MLF1: variants seen among roughly 807,000 people sequenced by gnomAD.
MLF1 encodes myeloid leukemia factor 1.
A neutral mutation model predicts 38.3 loss-of-function variants in MLF1; 37 were observed. That is an observed-to-expected ratio of 0.96 (90% CI 0.74 to 1.27). The LOEUF (loss-of-function observed/expected upper bound fraction) is 1.27, where lower values mean the gene tolerates loss of function less well. Ranked by LOEUF, MLF1 falls within the 50% of genes most tolerant of loss-of-function variation. The probability of loss-of-function intolerance (pLI) is 0.00; values close to 1 mark genes in which losing one functional copy is unlikely to be tolerated. For missense variants in MLF1, 331 were observed against 349.2 expected, an observed-to-expected ratio of 0.95 and a Z score of 0.42; for synonymous variants, 95 against 106.5, an observed-to-expected ratio of 0.89 and a Z score of 0.66.
At chr3:158,604,976 T>G (rs1171136002) in intron 7 of MLF1, 121 bp from the exon 8 acceptor site, 2 of 761,154 alleles carry the variant, frequency 2.6e-6, no homozygotes, top group Non-Finnish European at 4.2e-6. Flanking sequence ...TTCAAAGCCA[T>G]TAAGGAATTT....
At chr3:158,590,938 G>C in intron 1 of MLF1, 1 of 408,086 alleles carries the variant, frequency 2.5e-6, no homozygotes, top group South Asian at 1.8e-5. Flanking sequence ...CAGTTAAGCA[G>C]TTTGCTAATC....
intron 1 of MLF1, among the ~76,000 whole-genome samples, chr3:158,575,815 T>C (rs1576640017): frequency 1.3e-5 from 2 of 152,244 alleles, no homozygotes; most frequent in South Asian, 4.1e-4. Flanking sequence ...GATACTGGTA[T>C]TTTCTAATTA....
chr3:158,576,013 A>G (rs1032142431), intron 1 of MLF1, among the ~76,000 whole-genome samples: 2 of 152,204 alleles, frequency 1.3e-5, no homozygotes, highest in African/African-American at 4.8e-5. Flanking sequence ...TTAAATTGTT[A>G]ATTGCTTAAA....
chr3:158,587,464 T>C (rs1717405984), intron 1 of MLF1, among the ~76,000 whole-genome samples: 1 of 152,116 alleles, frequency 6.6e-6, no homozygotes, highest in Admixed American at 6.5e-5. Flanking sequence ...CAGTAACCTA[T>C]CTGTGACACT....
chr3:158,572,388 G>C (rs1232588507), intron 1 of MLF1, among the ~76,000 whole-genome samples: 42 of 144,174 alleles, frequency 2.9e-4, no homozygotes, highest in Non-Finnish European at 4.4e-4. Context: ...TGAAGTGCAG[G>C]GGAGGATTGA....
chr3:158,598,226 A>T lies in MLF1; in HGVS notation c.453+18A>T, dbSNP rs377766068. Reference sequence around the variant, plus strand: ...CAGGAGGAGTAAGTTTTCTATAAGCATTCCTAAAGTTTTATAAAGTTAGGG... The same window carrying T: ...CAGGAGGAGTAAGTTTTCTATAAGCTTTCCTAAAGTTTTATAAAGTTAGGG... On this transcript the variant is annotated intron_variant, in intron 5 of 7. Coordinates refer to ENST00000466246, the MANE Select transcript of MLF1 (RefSeq NM_001369783.1). The T allele has an allele frequency of 2.0e-5, 32 of 1,605,346 alleles. No individual in the cohort carries two copies. Among genetic ancestry groups the T allele is most frequent in the Non-Finnish European group, 2.5e-6 (3 of 1,177,290 alleles).
At chr3:158,602,150 A>G (rs1443582420) in intron 6 of MLF1, among the ~76,000 whole-genome samples, 10 of 152,186 alleles carry the variant, frequency 6.6e-5, no homozygotes, top group Admixed American at 2.0e-4. Flanking sequence ...GCAGTAAGAT[A>G]GAAGCCATGA....
chr3:158,595,281 G>A (rs886847576), intron 3 of MLF1, among the ~76,000 whole-genome samples: 2 of 152,084 alleles, frequency 1.3e-5, no homozygotes, highest in Admixed American at 6.6e-5. Context: ...AAGTCAGGAG[G>A]AAACATTTAA....
intron 1 of MLF1, among the ~76,000 whole-genome samples, chr3:158,589,420 C>T (rs1717798506): frequency 6.6e-6 from 1 of 152,062 alleles, no homozygotes; most frequent in Non-Finnish European, 1.5e-5. Flanking sequence ...CCATGTTGGC[C>T]AGGCTCTTCT....
chr3:158,606,154 A>T lies in MLF1; in HGVS notation c.*952A>T, dbSNP rs1199178916. ...GTTTCTGTTTTAATTATACCATTAA[A>T]AATCAGCTTTAGCTTTTTAATTCTA... On this transcript the variant is annotated 3_prime_UTR_variant, in exon 8 of 8. Coordinates refer to ENST00000466246, the MANE Select transcript of MLF1 (RefSeq NM_001369783.1). 2 of 178,682 alleles carry T rather than the reference A, an allele frequency of 1.1e-5. No individual in the cohort carries two copies. The highest frequency in any genetic ancestry group is 2.4e-5 in the Non-Finnish European group (2 of 83,318). The allele number at this position is 178,682 out of a possible 1,614,324, so 11.1% of individuals were successfully genotyped here. A position where few individuals can be genotyped will look rare whatever the true frequency, so the allele number is the denominator to read the frequency against.
intron 6 of MLF1, among the ~76,000 whole-genome samples, chr3:158,600,630 G>A (rs1485918237): frequency 1.3e-5 from 2 of 150,350 alleles, no homozygotes; most frequent in East Asian, 3.9e-4. Flanking sequence ...AGTTTATATT[G>A]TGCTTATTTT....
At chr3:158,575,844 A>C (rs950636171) in intron 1 of MLF1, among the ~76,000 whole-genome samples, 3 of 152,132 alleles carry the variant, frequency 2.0e-5, no homozygotes, top group Admixed American at 1.3e-4. Flanking sequence ...CGATTTTCTA[A>C]ATAGTCCATT....
chr3:158,590,822 T>A (rs1469970363), intron 1 of MLF1: 1 of 451,770 alleles, frequency 2.2e-6, no homozygotes, highest in African/African-American at 2.0e-5. Flanking sequence ...CTGCACTTTT[T>A]AAAATTCATC....
intron 1 of MLF1, 58 bp downstream of exon 1, chr3:158,571,405 C>G (rs1306913951): frequency 2.5e-6 from 4 of 1,608,496 alleles, no homozygotes. Context: ...TCGAGGGGAG[C>G]TATTTTAAGG....
intron 6 of MLF1, 83 bp downstream of exon 6, chr3:158,600,256 G>A: frequency 1.3e-6 from 1 of 755,260 alleles, no homozygotes; most frequent in Non-Finnish European, 1.9e-6. Context: ...TTAGAAACAT[G>A]TCATAAGATG....
intron 2 of MLF1, 105 bp downstream of exon 2, chr3:158,592,686 T>TA: frequency 2.1e-6 from 2 of 974,338 alleles, no homozygotes; most frequent in Non-Finnish European, 2.9e-6. Context: ...ACTAATATTC[T>TA]TGTTCTAGAA....
intron 5 of MLF1, among the ~76,000 whole-genome samples, chr3:158,598,690 G>A (rs1719275557): frequency 6.6e-6 from 1 of 152,078 alleles, no homozygotes; most frequent in Non-Finnish European, 1.5e-5. Flanking sequence ...TTTGCTTCAA[G>A]TTGTCTCTTG....
chr3:158,592,363 A>G, intron 1 of MLF1, 71 bp from the exon 2 acceptor site: 1 of 1,319,776 alleles, frequency 7.6e-7, no homozygotes, highest in South Asian at 1.7e-5. Context: ...AATTATTTGT[A>G]ATATTTACCT....
chr3:158,598,203 G>A lies in MLF1; in HGVS notation c.448G>A (p.Gly150Arg). 6.2e-7 allele frequency: 1 copy of A among 1,612,158 alleles called. No individual in the cohort carries two copies. The change falls in exon 5 of 8, where the codon GGA (glycine) becomes AGA (arginine). Residue 150 changes from glycine (G) to arginine (R), a missense_variant. Gly to Arg is a moderately radical substitution (Grantham distance 125). Transcript: ENST00000466246. ...CTCAACTCAAACTCGTCGAGCTCCA[G>A]GAGGAGTAAGTTTTCTATAAGCATT... ...QASTQTRRAP[G>R]GIKETRKAMR...
Sources: allele counts gnomAD v4.1 joint callset (sites outside exome capture counted in the v4.1 genomes callset), GRCh38; gene constraint gnomAD v4.1.1; transcripts MANE v1.5; gene names NCBI Gene and HGNC (gene_info 2026-07-23, HGNC 2026-07-21).